DLG2: variants seen among roughly 807,000 people sequenced by gnomAD.
DLG2 encodes disks large homolog 2.
A neutral mutation model predicts 132.5 loss-of-function variants in DLG2; 45 were observed. The observed-to-expected ratio is 0.34, with a 90% CI of 0.27 to 0.44. DLG2 has a LOEUF of 0.44. Ranked by LOEUF, DLG2 falls within the 20% of genes least tolerant of loss-of-function variation. The pLI is 1.00. For missense variants in DLG2, 1,045 were observed against 1,196.9 expected (o/e 0.87, Z 1.87); for synonymous variants, 424 against 419.6 (o/e 1.01, Z -0.13).
chr11:85,134,975 C>G (rs539035516), intron 5 of DLG2, among the ~76,000 whole-genome samples: 1 of 152,272 alleles, frequency 6.6e-6, no homozygotes, highest in African/African-American at 2.4e-5. Context: ...GTAACTCTGT[C>G]TTATGGTTCA....
intron 6 of DLG2, among the ~76,000 whole-genome samples, chr11:84,917,763 A>C (rs755921047): frequency 1.3e-5 from 2 of 152,124 alleles, no homozygotes; most frequent in Non-Finnish European, 2.9e-5. Flanking sequence ...AGAAATTGTA[A>C]ATCTAACACG....
intron 15 of DLG2, among the ~76,000 whole-genome samples, chr11:83,879,269 G>A (rs1352478851): frequency 2.6e-5 from 4 of 152,132 alleles, no homozygotes; most frequent in African/African-American, 9.7e-5. Flanking sequence ...CTAATGGACA[G>A]CACAAAAAGT....
intron 6 of DLG2, among the ~76,000 whole-genome samples, chr11:84,745,999 G>A (rs2065304095): frequency 6.6e-6 from 1 of 152,154 alleles, no homozygotes; most frequent in African/African-American, 2.4e-5. Context: ...CCACAGTTCA[G>A]GTCTATAAAC....
chr11:83,851,914 G>A (rs1191531046), intron 16 of DLG2, among the ~76,000 whole-genome samples: 1 of 147,642 alleles, frequency 6.8e-6, no homozygotes, highest in Admixed American at 6.8e-5. Flanking sequence ...GCGAGACTCC[G>A]TCTCTTAAAA....
chr11:85,418,863 G>T (rs1394975225), intron 3 of DLG2, among the ~76,000 whole-genome samples: 3 of 152,148 alleles, frequency 2.0e-5, no homozygotes, highest in African/African-American at 7.2e-5. Context: ...ACAGCACACT[G>T]ATGGGTCTTG....
intron 6 of DLG2, among the ~76,000 whole-genome samples, chr11:84,604,439 T>G (rs1263727622): frequency 2.0e-5 from 3 of 151,842 alleles, no homozygotes; most frequent in Non-Finnish European, 4.4e-5. Context: ...ATGTAGGGCT[T>G]TATAAGTCAA....
At chr11:83,573,368 T>C (rs977126933) in intron 19 of DLG2, among the ~76,000 whole-genome samples, 1 of 152,150 alleles carries the variant, frequency 6.6e-6, no homozygotes, top group Non-Finnish European at 1.5e-5. Flanking sequence ...TATAAGTGTC[T>C]TAGTACTGAG....
At position 84,059,397 on chromosome 11, in the gene DLG2, C is replaced by A. The variant is rs779080290; in HGVS notation, c.837G>T (p.Gly279=). ...TACGCACATACAGCCGAACGATAGACCCTGCTTCCTTCAGGGCTTCCACCG... is the reference window on the plus strand; with the variant it reads ...TACGCACATACAGCCGAACGATAGAACCTGCTTCCTTCAGGGCTTCCACCG... ...SKAVEALKEA[G]SIVRLYVRRR... The change falls in exon 11 of 28, where the codon GGG becomes GGT. Residue 279 remains glycine (G), a synonymous_variant. Transcript: ENST00000376104. The A allele has an allele frequency of 3.3e-5, 53 of 1,613,504 alleles. No homozygotes were observed. The highest frequency in any genetic ancestry group is 4.4e-5 in the Non-Finnish European group (52 of 1,179,750).
At chr11:85,504,131 G>C (rs188282087) in intron 3 of DLG2, among the ~76,000 whole-genome samples, 2 of 152,300 alleles carry the variant, frequency 1.3e-5, no homozygotes, top group Non-Finnish European at 2.9e-5. Context: ...CAGATGGGTA[G>C]ATTGCAAAAA....
intron 6 of DLG2, among the ~76,000 whole-genome samples, chr11:84,621,776 T>C (rs1166545933): frequency 1.3e-5 from 2 of 152,054 alleles, no homozygotes; most frequent in Non-Finnish European, 2.9e-5. Flanking sequence ...GTAGTAACTG[T>C]GTCATAGGAA....
chr11:84,184,273 T>C (rs1046390132), intron 8 of DLG2, among the ~76,000 whole-genome samples: 2 of 151,452 alleles, frequency 1.3e-5, no homozygotes, highest in Admixed American at 6.6e-5. Context: ...CCATTCTAAC[T>C]GGTGTGAGAT....
chr11:83,912,807 T>C (rs1393349333), intron 15 of DLG2, among the ~76,000 whole-genome samples: 1 of 152,072 alleles, frequency 6.6e-6, no homozygotes, highest in Non-Finnish European at 1.5e-5. Context: ...TCAGCTCAAC[T>C]CTATGGACTC....
rs138102061 is a variant in DLG2, at chr11:84,512,826, C to T, written c.519+21744G>A. Among the ~76,000 whole-genome samples, 23 of 152,108 alleles carry T rather than the reference C, an allele frequency of 1.5e-4. No homozygotes were observed. The East Asian group carries it at 4.4e-3, about 29-fold the overall frequency. ...ACAGCCATAAAAAAGAATGAGATCA[C>T]GTCCTTTGCAGGGACATGGATAAAG... On this transcript the variant is annotated intron_variant, in intron 7 of 27. Transcript: ENST00000376104.
rs1303348966 is a variant in DLG2 at position 84,444,474 on chromosome 11, TTTATTTATTTAC to T, written c.519+90084_519+90095del. On this transcript the variant is annotated intron_variant, in intron 7 of 27. Transcript: ENST00000376104. ...TTTCCCATATGTATGGCCAGTTTTATTTATTTATTTACTTATTTATTTACTTGCTTACTTCAT... is the reference window on the plus strand; with the variant it reads ...TTTCCCATATGTATGGCCAGTTTTATTTATTTATTTACTTGCTTACTTCAT... 1.2e-3 allele frequency among the ~76,000 whole-genome samples: 179 copies of T among 152,180 alleles called. 1 individual carries two copies. The highest frequency in any genetic ancestry group is 4.2e-3 in the African/African-American group (173 of 41,436).
intron 6 of DLG2, among the ~76,000 whole-genome samples, chr11:84,607,477 G>A (rs2099587905): frequency 6.6e-6 from 1 of 152,088 alleles, no homozygotes; most frequent in South Asian, 2.1e-4. Flanking sequence ...GGGGCAGGGA[G>A]AGCAGACCAG....
chr11:84,765,538 T>C (rs1447069761), intron 6 of DLG2, among the ~76,000 whole-genome samples: 2 of 151,990 alleles, frequency 1.3e-5, no homozygotes, highest in African/African-American at 2.4e-5. Flanking sequence ...AAAAATATCA[T>C]TTTTTAGGAT....
intron 18 of DLG2, among the ~76,000 whole-genome samples, chr11:83,753,995 C>T (rs556625998): frequency 2.7e-4 from 40 of 147,806 alleles, no homozygotes; most frequent in Non-Finnish European, 5.2e-4. Context: ...GGCAGTAATA[C>T]AACAATTCAA....
chr11:85,418,496 C>T (rs763567807), intron 3 of DLG2, among the ~76,000 whole-genome samples: 17 of 152,016 alleles, frequency 1.1e-4, no homozygotes, highest in Non-Finnish European at 2.1e-4. Context: ...CTGAATATCC[C>T]TGTTAATTTT....
chr11:84,012,840 C>G (rs1032027636), intron 11 of DLG2, among the ~76,000 whole-genome samples: 20 of 152,150 alleles, frequency 1.3e-4, no homozygotes, highest in African/African-American at 4.8e-4. Context: ...AATACCCGCT[C>G]CAGGTCCATG....
Sources: gnomAD v4.1 joint callset for allele counts (sites outside exome capture counted in the v4.1 genomes callset) on GRCh38, gnomAD v4.1.1 for gene constraint, MANE v1.5 for transcripts, NCBI Gene and HGNC (gene_info 2026-07-23, HGNC 2026-07-21) for gene names.